Variants in L3MBTL4 observed in about 807,000 individuals in gnomAD.
L3MBTL4 encodes the protein lethal(3)malignant brain tumor-like protein 4.
In L3MBTL4, 70 loss-of-function variants were observed where a neutral mutation model predicts 84.5. The ratio of observed to expected loss-of-function variants is 0.83; its 90% CI spans 0.68 to 1.01. The LOEUF (loss-of-function observed/expected upper bound fraction) is 1.01, where lower values mean the gene tolerates loss of function less well. Among genes scored for constraint, L3MBTL4 ranks in the 50% least tolerant of loss-of-function variants. The probability of loss-of-function intolerance (pLI) is 0.00; values close to 1 mark genes in which losing one functional copy is unlikely to be tolerated. For synonymous variants in L3MBTL4, 274 were observed against 259.8 expected (o/e 1.05, Z -0.52); for missense variants, 715 against 754.8 (o/e 0.95, Z 0.62).
rs367987642 is a variant in L3MBTL4 at position 6,160,601 on chromosome 18, G to C, written c.1096+11227C>G. On this transcript the variant is annotated intron_variant, in intron 13 of 18. Coordinates refer to ENST00000317931, the MANE Select transcript of L3MBTL4 (RefSeq NM_001330559.2). ...ACAAAAATTAGCCGGGCTTGGTGGCGGGGTCTGTAATCCCAGCTACCCAAG... is the reference window on the plus strand; with the variant it reads ...ACAAAAATTAGCCGGGCTTGGTGGCCGGGTCTGTAATCCCAGCTACCCAAG... Among the ~76,000 whole-genome samples, 203 of 152,080 alleles carry C rather than the reference G, an allele frequency of 1.3e-3. 1 individual carries two copies. The highest frequency in any genetic ancestry group is 4.4e-3 in the African/African-American group (184 of 41,486).
intron 1 of L3MBTL4, among the ~76,000 whole-genome samples, chr18:6,316,688 A>G (rs2051118348): frequency 6.6e-6 from 1 of 152,144 alleles, no homozygotes; most frequent in African/African-American, 2.4e-5. Context: ...ACATTCCTAG[A>G]CATGAAAACA....
intron 4 of L3MBTL4, among the ~76,000 whole-genome samples, chr18:6,296,682 G>A (rs1296192657): frequency 6.6e-6 from 1 of 152,100 alleles, no homozygotes; most frequent in Admixed American, 6.5e-5. Flanking sequence ...AGGTGGTGAG[G>A]GGTCTCCAGT....
chr18:6,300,335 G>A (rs142952404), intron 4 of L3MBTL4, among the ~76,000 whole-genome samples: 15 of 152,272 alleles, frequency 9.9e-5, no homozygotes, highest in African/African-American at 3.6e-4. Flanking sequence ...CATTTGTTAT[G>A]TTCTACAGCT....
chr18:6,393,880 T>A (rs1486960377), intron 1 of L3MBTL4, among the ~76,000 whole-genome samples: 1 of 152,124 alleles, frequency 6.6e-6, no homozygotes, highest in African/African-American at 2.4e-5. Flanking sequence ...TCACTATGAA[T>A]ATGGAGCCCT....
chr18:6,180,307 G>GATAC (rs35378006), intron 12 of L3MBTL4, among the ~76,000 whole-genome samples: 72,741 of 151,286 alleles, frequency 0.48, 18,950 homozygotes, highest in African/African-American at 0.68. Flanking sequence ...AGGCTACTGA[G>GATAC]ACAGGGATTA....
At chr18:6,127,631 G>A (rs760397122) in intron 14 of L3MBTL4, among the ~76,000 whole-genome samples, 4 of 152,174 alleles carry the variant, frequency 2.6e-5, no homozygotes, top group African/African-American at 9.7e-5. Flanking sequence ...GACAAAGCAC[G>A]ATGCTGGCAG....
chr18:6,114,401 C>A (rs1598795463), intron 14 of L3MBTL4, among the ~76,000 whole-genome samples: 2 of 152,172 alleles, frequency 1.3e-5, no homozygotes, highest in East Asian at 3.9e-4. Context: ...CCCTGGGTAT[C>A]TTTTTCTGTG....
At chr18:6,321,815 C>T (rs1265311159) in intron 1 of L3MBTL4, among the ~76,000 whole-genome samples, 2 of 152,028 alleles carry the variant, frequency 1.3e-5, no homozygotes, top group African/African-American at 4.8e-5. Flanking sequence ...CCAAGTACCA[C>T]ATGTTCTCAC....
intron 1 of L3MBTL4, among the ~76,000 whole-genome samples, chr18:6,407,690 C>A (rs2055791262): frequency 6.6e-6 from 1 of 152,206 alleles, no homozygotes; most frequent in South Asian, 2.1e-4. Context: ...TGTAAGATTT[C>A]TTTCCTGAGT....
intron 16 of L3MBTL4, among the ~76,000 whole-genome samples, chr18:6,039,465 C>CTT (rs1190087485): frequency 6.6e-6 from 1 of 152,300 alleles, no homozygotes; most frequent in East Asian, 1.9e-4. Context: ...AGAGCCTTCA[C>CTT]TTTTTGAGTT....
intron 14 of L3MBTL4, among the ~76,000 whole-genome samples, chr18:6,112,777 A>G (rs1415192134): frequency 6.6e-6 from 1 of 152,230 alleles, no homozygotes; most frequent in Non-Finnish European, 1.5e-5. Context: ...TGTCATAGTT[A>G]TATTTATAAA....
intron 12 of L3MBTL4, among the ~76,000 whole-genome samples, chr18:6,183,952 A>G (rs1164264039): frequency 6.7e-6 from 1 of 149,774 alleles, no homozygotes; most frequent in Non-Finnish European, 1.5e-5. Flanking sequence ...TTCCCCTAAT[A>G]GAAATTTATT....
chr18:6,324,235 G>A (rs1295619031), intron 1 of L3MBTL4, among the ~76,000 whole-genome samples: 1 of 152,230 alleles, frequency 6.6e-6, no homozygotes, highest in African/African-American at 2.4e-5. Flanking sequence ...CAGTGGTGGA[G>A]TCCTCACAGA....
intron 14 of L3MBTL4, among the ~76,000 whole-genome samples, chr18:6,113,598 CTAAG>C (rs1431903816): frequency 6.6e-6 from 1 of 151,966 alleles, no homozygotes; most frequent in Non-Finnish European, 1.5e-5. Flanking sequence ...TTTGAACCCT[CTAAG>C]TGTTTATTTT....
At chr18:6,085,687 G>T (rs1159007672) in intron 15 of L3MBTL4, among the ~76,000 whole-genome samples, 2 of 152,188 alleles carry the variant, frequency 1.3e-5, no homozygotes, top group African/African-American at 4.8e-5. Context: ...CACCATGATT[G>T]TAAGTTTCCT....
chr18:6,251,303 C>T (rs73385939), intron 5 of L3MBTL4, among the ~76,000 whole-genome samples: 11,403 of 152,132 alleles, frequency 0.075, 1,347 homozygotes, highest in African/African-American at 0.25. Context: ...GAGAACTGTG[C>T]GAGAAACCGC....
At chr18:6,051,227 T>C (rs1049452981) in intron 16 of L3MBTL4, among the ~76,000 whole-genome samples, 6 of 152,216 alleles carry the variant, frequency 3.9e-5, no homozygotes, top group African/African-American at 1.4e-4. Context: ...ACAGTCTGCA[T>C]GAATATCTCC....
chr18:6,337,172 T>C (rs182724434), intron 1 of L3MBTL4, among the ~76,000 whole-genome samples: 84 of 152,162 alleles, frequency 5.5e-4, no homozygotes, highest in African/African-American at 2.0e-3. Flanking sequence ...TAAAATGTAA[T>C]TGGGATCCCA....
rs1236138434 is a variant in L3MBTL4 at position 5,955,227 on chromosome 18, G to T, written c.*993C>A. ...ACAAATAAGGCCTGACAACAAATCGGAATGTTTCAAACAAAGAATAAGTAC... is the reference window on the plus strand; with the variant it reads ...ACAAATAAGGCCTGACAACAAATCGTAATGTTTCAAACAAAGAATAAGTAC... On this transcript the variant is annotated 3_prime_UTR_variant, in exon 19 of 19. Transcript: ENST00000317931. The T allele has an allele frequency of 6.6e-6, 1 of 152,178 alleles. No homozygotes were observed. The highest frequency in any genetic ancestry group is 1.5e-5 in the Non-Finnish European group (1 of 68,042). 9.4% of individuals were successfully genotyped at this position (152,178 alleles called of 1,614,324 possible). A position where few individuals can be genotyped will look rare whatever the true frequency, so the allele number is the denominator to read the frequency against.
Sources: gnomAD v4.1 joint callset for allele counts (sites outside exome capture counted in the v4.1 genomes callset) on GRCh38, gnomAD v4.1.1 for gene constraint, MANE v1.5 for transcripts, NCBI Gene and HGNC (gene_info 2026-07-23, HGNC 2026-07-21) for gene names.